SLC9A3: variants seen among roughly 807,000 people sequenced by gnomAD.
SLC9A3 encodes the protein sodium/hydrogen exchanger 3.
In SLC9A3, 37 loss-of-function variants were observed where a neutral mutation model predicts 86.8. The ratio of observed to expected loss-of-function variants is 0.43; its 90% CI spans 0.33 to 0.56. The LOEUF (loss-of-function observed/expected upper bound fraction) is 0.56, where lower values mean the gene tolerates loss of function less well. Ranked by LOEUF, SLC9A3 falls within the 20% of genes least tolerant of loss-of-function variation. The pLI is 0.06. For missense variants in SLC9A3, 1,011 were observed against 1,171.9 expected (o/e 0.86, Z 2.00); for synonymous variants, 581 against 528.3 (o/e 1.10, Z -1.37).
At chr5:507,163 C>CTTTTTTTTTTTTTTTTT (rs1740624902) in intron 1 of SLC9A3, among the ~76,000 whole-genome samples, 2 of 34,754 alleles carry the variant, frequency 5.8e-5, no homozygotes, top group Admixed American at 4.1e-4. Flanking sequence ...CCGGCTGCTG[C>CTTTTTTTTTTTTTTTTT]TTCTTTTTTT....
rs1733975049 is a variant in SLC9A3, at chr5:524,342, G to A, written c.-20C>T. The A allele has an allele frequency of 6.3e-6, 7 of 1,119,654 alleles. No homozygotes were observed. In the South Asian group the frequency reaches 2.8e-4, roughly 45 times the overall value. 69.4% of individuals were successfully genotyped at this position (1,119,654 alleles called of 1,614,324 possible). ...CCACATTGCCGCCTGCTCAGCGCAG[G>A]GCTGGGACGCGCATGTCGCGGGGGG... On this transcript the variant is annotated 5_prime_UTR_variant, in exon 1 of 17. Coordinates refer to ENST00000264938, the MANE Select transcript of SLC9A3 (RefSeq NM_004174.4).
chr5:482,791 TC>T, intron 6 of SLC9A3, 41 bp from the exon 7 acceptor site: 1 of 1,512,716 alleles, frequency 6.6e-7, no homozygotes, highest in Non-Finnish European at 9.0e-7. Context: ...CCGGCCGCCC[TC>T]CCAGCCGCGG....
intron 1 of SLC9A3, among the ~76,000 whole-genome samples, chr5:512,794 C>T (rs1050296292): frequency 2.0e-5 from 3 of 152,130 alleles, no homozygotes; most frequent in African/African-American, 7.2e-5. Context: ...AGAACGTGCA[C>T]GGTGGGCAGG....
At chr5:507,086 AAAT>A (rs1432102494) in intron 1 of SLC9A3, among the ~76,000 whole-genome samples, 1 of 124,486 alleles carries the variant, frequency 8.0e-6, no homozygotes, top group East Asian at 2.5e-4. Context: ...AAAAATAAAT[AAAT>A]AAATAAATAA....
intron 13 of SLC9A3, 39 bp downstream of exon 13, chr5:476,163 G>GCCCCAGC (rs780468680): frequency 3.7e-5 from 60 of 1,611,764 alleles, no homozygotes; most frequent in Admixed American, 6.7e-5. Flanking sequence ...CCCGCTCCAG[G>GCCCCAGC]CCCCAGCCCC....
chr5:524,371 C>T lies in SLC9A3; in HGVS notation c.-49G>A. 3 of 901,402 alleles carry T rather than the reference C, an allele frequency of 3.3e-6. No individual in the cohort carries two copies. The highest frequency in any genetic ancestry group is 4.2e-6 in the Non-Finnish European group (3 of 707,916). 55.8% of individuals were successfully genotyped at this position (901,402 alleles called of 1,614,324 possible). On this transcript the variant is annotated 5_prime_UTR_variant, in exon 1 of 17. Transcript: ENST00000264938. ...GGGACGCGCATGTCGCGGGGGGTCC[C>T]GGCTGGGCTGGGCCGACGCGCGGGG...
In SLC9A3 at chr5:471,863, G is replaced by T. The variant is rs1328662921; in HGVS notation, c.*1516C>A. On this transcript the variant is annotated 3_prime_UTR_variant, in exon 17 of 17. Coordinates refer to ENST00000264938, the MANE Select transcript of SLC9A3 (RefSeq NM_004174.4). Reference sequence around the variant, plus strand: ...TAAAAAGCTATCAATGGGAAATTGTGGACTTTTCCCACCAGGGACTCAATG... The same window carrying T: ...TAAAAAGCTATCAATGGGAAATTGTTGACTTTTCCCACCAGGGACTCAATG... 4.4e-6 allele frequency: 2 copies of T among 456,468 alleles called. No individual in the cohort carries two copies. Among genetic ancestry groups the T allele is most frequent in the East Asian group, 1.4e-4 (2 of 14,546 alleles). 28.3% of individuals were successfully genotyped at this position (456,468 alleles called of 1,614,324 possible).
At chr5:517,550 C>A (rs1733767183) in intron 1 of SLC9A3, among the ~76,000 whole-genome samples, 2 of 151,672 alleles carry the variant, frequency 1.3e-5, no homozygotes, top group Non-Finnish European at 2.9e-5. Context: ...ACTCATCCAT[C>A]CATTCACCCA....
At chr5:481,200 T>C (rs1280107430) in intron 9 of SLC9A3, among the ~76,000 whole-genome samples, 1 of 152,264 alleles carries the variant, frequency 6.6e-6, no homozygotes, top group Non-Finnish European at 1.5e-5. Flanking sequence ...TCATTTTAAA[T>C]GTTGACTGAT....
At chr5:511,106 C>T (rs528515720) in intron 1 of SLC9A3, among the ~76,000 whole-genome samples, 4 of 152,246 alleles carry the variant, frequency 2.6e-5, no homozygotes, top group East Asian at 1.9e-4. Flanking sequence ...AACTGTGAGC[C>T]GCAAGGAGAG....
At chr5:510,468 C>T (rs936533275) in intron 1 of SLC9A3, among the ~76,000 whole-genome samples, 1 of 152,128 alleles carries the variant, frequency 6.6e-6, no homozygotes, top group Non-Finnish European at 1.5e-5. Context: ...CACTGGGGAG[C>T]GGGGCCCAGG....
rs1417703724 is a variant in SLC9A3, at chr5:472,058, C to G, written c.*1321G>C. 2 of 453,212 alleles carry G rather than the reference C, an allele frequency of 4.4e-6. No individual in the cohort carries two copies. Among genetic ancestry groups the G allele is most frequent in the Non-Finnish European group, 8.9e-6 (2 of 224,870 alleles). The allele number at this position is 453,212 out of a possible 1,614,324, so 28.1% of individuals were successfully genotyped here. ...GAGTGTCCACCTCCACCACTTCCACCGTGCAGGCAGGTTTCAGGTGGGTTG... is the reference window on the plus strand; with the variant it reads ...GAGTGTCCACCTCCACCACTTCCACGGTGCAGGCAGGTTTCAGGTGGGTTG... On this transcript the variant is annotated 3_prime_UTR_variant, in exon 17 of 17. Coordinates refer to ENST00000264938, the MANE Select transcript of SLC9A3 (RefSeq NM_004174.4).
At chr5:479,579 T>C in intron 10 of SLC9A3, 3 of 460,804 alleles carry the variant, frequency 6.5e-6, no homozygotes, top group Non-Finnish European at 1.2e-5. Flanking sequence ...GCAAGGGAGC[T>C]CGGGGTCCTA....
At chr5:494,642 G>C (rs760877872) in intron 1 of SLC9A3, among the ~76,000 whole-genome samples, 1 of 152,154 alleles carries the variant, frequency 6.6e-6, no homozygotes, top group African/African-American at 2.4e-5. Context: ...GTAAATCCCC[G>C]CCTTGGTGTC....
rs560060501 is a variant in SLC9A3 at position 520,104 on chromosome 5, C to G, written c.211+4008G>C. 3.8e-4 allele frequency among the ~76,000 whole-genome samples: 58 copies of G among 152,214 alleles called. 1 individual carries two copies. In the South Asian group the frequency reaches 3.9e-3, roughly 10 times the overall value. On this transcript the variant is annotated intron_variant, in intron 1 of 16. Transcript: ENST00000264938. The stretch of plus-strand genomic sequence containing the variant: ...TGGTTTCCCCGTGGGCAGTCACTGC[C>G]GCTGCTCAGGTCCTAACCCTCAAGG...
chr5:490,670 C>T (rs372614908), intron 2 of SLC9A3, among the ~76,000 whole-genome samples: 134 of 152,302 alleles, frequency 8.8e-4, no homozygotes, highest in African/African-American at 3.1e-3. Flanking sequence ...GTGTGAGCCT[C>T]GAGGGGCCGC....
chr5:512,935 T>C (rs1279667464), intron 1 of SLC9A3, among the ~76,000 whole-genome samples: 1 of 151,872 alleles, frequency 6.6e-6, no homozygotes, highest in African/African-American at 2.4e-5. Flanking sequence ...CTGTCCGGCG[T>C]CACCAAGATC....
chr5:479,435 G>A lies in SLC9A3; in HGVS notation c.1647+401C>T, dbSNP rs577364869. 17 of 199,646 alleles carry A rather than the reference G, an allele frequency of 8.5e-5. No individual in the cohort carries two copies. In the South Asian group the frequency reaches 1.2e-3, roughly 14 times the overall value. 12.4% of individuals were successfully genotyped at this position (199,646 alleles called of 1,614,324 possible). A position where few individuals can be genotyped will look rare whatever the true frequency, so the allele number is the denominator to read the frequency against. On this transcript the variant is annotated intron_variant, in intron 10 of 16. Transcript: ENST00000264938. ...CCATGGCCGGCCCACAGCGGGAGAC[G>A]GCCCTGCTGCTGCCCCTCTGCCTGT...
chr5:492,986 C>T (rs555551383), intron 1 of SLC9A3, among the ~76,000 whole-genome samples: 74 of 152,338 alleles, frequency 4.9e-4, no homozygotes, highest in African/African-American at 1.5e-3. Context: ...GGGGACCCCC[C>T]GTGGAGCTTC....
Sources: gnomAD v4.1 joint callset for allele counts (sites outside exome capture counted in the v4.1 genomes callset) on GRCh38, gnomAD v4.1.1 for gene constraint, MANE v1.5 for transcripts, NCBI Gene and HGNC (gene_info 2026-07-23, HGNC 2026-07-21) for gene names.